The following ZNF708 variants were observed in gnomAD, a reference collection of about 807,000 sequenced individuals.
ZNF708 encodes the protein ZNF15, ZNF15L1.
Under a neutral mutation model 47.0 loss-of-function variants are expected in ZNF708, and 44 were observed. The observed-to-expected ratio is 0.94, with a 90% CI of 0.74 to 1.20. The LOEUF (loss-of-function observed/expected upper bound fraction) is 1.20. Among genes scored for constraint, ZNF708 ranks in the 50% most tolerant of loss-of-function variants. ZNF708 has a pLI of 0.00. For synonymous variants in ZNF708, 184 were observed against 218.5 expected (o/e 0.84, Z 1.39); for missense variants, 557 against 656.0 (o/e 0.85, Z 1.65).
At chr19:21,318,281 G>A (rs1343744465) in intron 1 of ZNF708, 1 of 152,170 alleles carries the variant, frequency 6.6e-6, no homozygotes. Flanking sequence ...AATACTGCTG[G>A]ATTTCCAGCA....
rs375184019 is a variant in ZNF708 at position 21,293,489 on chromosome 19, T to A, written c.1477A>T (p.Thr493Ser). 6.2e-7 allele frequency: 1 copy of A among 1,613,396 alleles called. No homozygotes were observed. ...TCTCCAGTATGAATTATCTTATGTG[T>A]AGTAAGATGAGAGGACAGAATAAAG... ...KSFILSSHLT[T>S]HKIIHTGEKP... is the part of the protein sequence containing the mutation. The change falls in exon 4 of 4, where the codon ACA becomes TCA. Residue 493 changes from threonine (T) to serine (S), a missense_variant. Physicochemically the swap from Thr to Ser is moderately conservative, Grantham distance 58 (BLOSUM62 1). Coordinates refer to ENST00000356929, the MANE Select transcript of ZNF708 (RefSeq NM_021269.3).
chr19:21,294,073 T>C lies in ZNF708; in HGVS notation c.893A>G (p.His298Arg). The change falls in exon 4 of 4, where the codon CAC (histidine) becomes CGC (arginine). Residue 298 changes from histidine (H) to arginine (R), a missense_variant. Physicochemically the swap from His to Arg is conservative, Grantham distance 29 (BLOSUM62 0). Transcript: ENST00000356929. ...TTTCTCTCCAGTATGAATTTTCTTG[T>C]GATTAGTAAGGTTTGAGGACTGTTT... ...AFKQSSNLTNHKKIHTGEKPY... is the reference protein window; with the variant it reads ...AFKQSSNLTNRKKIHTGEKPY... 1.2e-6 allele frequency: 2 copies of C among 1,613,706 alleles called. No homozygotes were observed. Among genetic ancestry groups the C allele is most frequent in the East Asian group, 2.2e-5 (1 of 44,848 alleles).
intron 1 of ZNF708, among the ~76,000 whole-genome samples, chr19:21,317,929 G>A (rs1771725228): frequency 1.3e-5 from 2 of 152,164 alleles, no homozygotes; most frequent in African/African-American, 4.8e-5. Context: ...GGTTGAATAG[G>A]GTGCTATCTT....
In ZNF708 at chr19:21,294,523, A is replaced by C; in HGVS notation, c.443T>G (p.Val148Gly). 1 of 1,614,158 alleles carries C rather than the reference A, an allele frequency of 6.2e-7. No individual in the cohort carries two copies. The highest frequency in any genetic ancestry group is 8.5e-7 in the Non-Finnish European group (1 of 1,180,014). The part of the protein sequence containing the change: ...KIVQCDKYVK[V>G]FHKYSNAKRH... ...CTTTGCATTTGAATATTTATGAAAG[A>C]CTTTCACGTATTTGTCACACTGAAC... is the stretch of plus-strand genomic sequence containing the variant. The change falls in exon 4 of 4, where the codon GTC becomes GGC. Residue 148 changes from valine (V) to glycine (G), a missense_variant. Physicochemically the swap from Val to Gly is moderately radical, Grantham distance 109 (BLOSUM62 -3). Coordinates refer to ENST00000356929, the MANE Select transcript of ZNF708 (RefSeq NM_021269.3).
At chr19:21,301,630 C>A (rs1972661686) in intron 3 of ZNF708, among the ~76,000 whole-genome samples, 1 of 150,650 alleles carries the variant, frequency 6.6e-6, no homozygotes, top group African/African-American at 2.5e-5. Context: ...ATAAAACAAA[C>A]AAACAAACAA....
At chr19:21,310,669 T>A in intron 1 of ZNF708, 42 bp from the exon 2 acceptor site, 1 of 1,390,154 alleles carries the variant, frequency 7.2e-7, no homozygotes. Context: ...CAAGTGGTTA[T>A]GGACAGAATT....
chr19:21,317,889 G>A (rs912049463), intron 1 of ZNF708, among the ~76,000 whole-genome samples: 2 of 152,216 alleles, frequency 1.3e-5, no homozygotes, highest in African/African-American at 4.8e-5. Context: ...GGTGCCTGCT[G>A]AAGGTAGACT....
intron 1 of ZNF708, among the ~76,000 whole-genome samples, chr19:21,323,911 T>C (rs1169880054): frequency 3.9e-5 from 6 of 152,240 alleles, no homozygotes; most frequent in African/African-American, 1.4e-4. Context: ...AAAGCTTTAA[T>C]TTCCATGTCA....
chr19:21,310,217 C>T (rs146874409), intron 2 of ZNF708, among the ~76,000 whole-genome samples: 14 of 151,772 alleles, frequency 9.2e-5, no homozygotes, highest in East Asian at 3.9e-4. Context: ...GAGGCTGAGG[C>T]GGGCAGACCC....
Position 21,310,642 on chromosome 19 carries a change from C to T in ZNF708, c.4-15G>A, listed in dbSNP as rs773791206. On this transcript the variant is annotated splice_polypyrimidine_tract_variant and intron_variant, in intron 1 of 3. Transcript: ENST00000356929. ...GTCAATGGTCCCTGAAAAACACATACACACACACATATTTACCAAGTGGTT... is the reference window on the plus strand; with the variant it reads ...GTCAATGGTCCCTGAAAAACACATATACACACACATATTTACCAAGTGGTT... The T allele has an allele frequency of 4.8e-5, 71 of 1,480,552 alleles. No homozygotes were observed. Among genetic ancestry groups the T allele is most frequent in the Middle Eastern group, 1.8e-4 (1 of 5,532 alleles). 91.7% of individuals were successfully genotyped at this position (1,480,552 alleles called of 1,614,324 possible).
rs34652323 is a variant in ZNF708 at position 21,317,117 on chromosome 19, C to CAA, written c.4-6492_4-6491dup. On this transcript the variant is annotated intron_variant, in intron 1 of 3. Transcript: ENST00000356929. ...TGAAACCCCATCTCTACTACAAATA[C>CAA]AAAAAAAAAAAAATTAGCCAGGCAT... Among the ~76,000 whole-genome samples the CAA allele has an allele frequency of 1.3e-3, 184 of 144,152 alleles. No homozygotes were observed. In the South Asian group the frequency reaches 0.014, roughly 11 times the overall value. The allele number at this position is 144,152 out of a possible 152,430, so 94.6% of individuals were successfully genotyped here.
intron 1 of ZNF708, among the ~76,000 whole-genome samples, chr19:21,321,514 G>T (rs141624619): frequency 2.6e-5 from 4 of 151,516 alleles, no homozygotes; most frequent in African/African-American, 9.7e-5. Context: ...CCTGGGAGGC[G>T]GAAGTTGCAG....
intron 2 of ZNF708, 142 bp from the exon 3 acceptor site, chr19:21,309,483 A>AGATC: frequency 3.0e-6 from 2 of 672,946 alleles, no homozygotes; most frequent in African/African-American, 1.9e-5. Context: ...CGAGGTGGGT[A>AGATC]GATCACCTGA....
At chr19:21,316,138 T>C (rs2968059) in intron 1 of ZNF708, among the ~76,000 whole-genome samples, 13 of 139,270 alleles carry the variant, frequency 9.3e-5, no homozygotes, top group African/African-American at 2.8e-4. Context: ...TTTTTCTTTT[T>C]TTTTTTTTTT....
Position 21,294,029 on chromosome 19 carries a change from A to G in ZNF708, c.937T>C (p.Cys313Arg), listed in dbSNP as rs770312340. ...TGEKPYKCGE[C>R]GKAFTLSSHL... ...GAAGATAGGGTAAAGGCTTTGCCAC[A>G]TTCTCCACATTTGTAGGGTTTCTCT... The change falls in exon 4 of 4, where the codon TGT becomes CGT. Residue 313 changes from cysteine (C) to arginine (R), a missense_variant. Cys to Arg is a radical substitution (Grantham distance 180, BLOSUM62 -3). Transcript: ENST00000356929. The G allele has an allele frequency of 2.5e-6, 4 of 1,612,962 alleles. No individual in the cohort carries two copies. Among genetic ancestry groups the G allele is most frequent in the South Asian group, 2.2e-5 (2 of 91,058 alleles).
At chr19:21,308,983 G>A (rs1447193280) in intron 3 of ZNF708, among the ~76,000 whole-genome samples, 3 of 150,638 alleles carry the variant, frequency 2.0e-5, no homozygotes, top group East Asian at 3.9e-4. Flanking sequence ...GAAAAAAAAA[G>A]TCAGATTGTG....
At chr19:21,327,738 A>G (rs1361474299) in intron 1 of ZNF708, among the ~76,000 whole-genome samples, 1 of 151,708 alleles carries the variant, frequency 6.6e-6, no homozygotes, top group Non-Finnish European at 1.5e-5. Flanking sequence ...TTTTTCCACA[A>G]AATTTAGAGA....
chr19:21,303,740 C>A (rs908795881), intron 3 of ZNF708, among the ~76,000 whole-genome samples: 1 of 151,608 alleles, frequency 6.6e-6, no homozygotes, highest in Non-Finnish European at 1.5e-5. Context: ...CATATAGTAA[C>A]CACAATTGGG....
At chr19:21,305,383 G>A (rs937268244) in intron 3 of ZNF708, among the ~76,000 whole-genome samples, 1 of 151,840 alleles carries the variant, frequency 6.6e-6, no homozygotes, top group African/African-American at 2.4e-5. Flanking sequence ...TAACAGTGGT[G>A]AATGAATTTA....
Sources: allele counts gnomAD v4.1 joint callset (sites outside exome capture counted in the v4.1 genomes callset), GRCh38; gene constraint gnomAD v4.1.1; transcripts MANE v1.5; gene names NCBI Gene and HGNC (gene_info 2026-07-23, HGNC 2026-07-21).